Variants in PLPP3 observed in about 807,000 individuals in gnomAD.
PLPP3 encodes the protein phospholipid phosphatase 3, also known as PAP2 beta.
Under a neutral mutation model 29.6 loss-of-function variants are expected in PLPP3, and 6 were observed. That is an observed-to-expected ratio of 0.20 (90% CI 0.11 to 0.40). The LOEUF (loss-of-function observed/expected upper bound fraction) is 0.40, where lower values mean the gene tolerates loss of function less well. PLPP3 is among the 10% of genes least tolerant of loss of function. The probability of loss-of-function intolerance (pLI) is 1.00; values close to 1 mark genes in which losing one functional copy is unlikely to be tolerated. For missense variants in PLPP3, 308 were observed against 407.7 expected, an observed-to-expected ratio of 0.76 and a Z score of 2.11; for synonymous variants, 152 against 159.7, an observed-to-expected ratio of 0.95 and a Z score of 0.36.
chr1:56,555,792 G>A (rs1004870832), intron 1 of PLPP3, among the ~76,000 whole-genome samples: 2 of 152,164 alleles, frequency 1.3e-5, no homozygotes, highest in South Asian at 2.1e-4. Context: ...TTACAGGTGT[G>A]AGCCACATAT....
intron 1 of PLPP3, among the ~76,000 whole-genome samples, chr1:56,541,020 GC>G (rs1362114519): frequency 6.6e-6 from 1 of 152,152 alleles, no homozygotes; most frequent in East Asian, 1.9e-4. Context: ...CATAGTACCT[GC>G]CCCGGAGGAG....
chr1:56,516,171 T>C (rs1053544213), intron 4 of PLPP3, among the ~76,000 whole-genome samples: 2 of 152,158 alleles, frequency 1.3e-5, no homozygotes, highest in African/African-American at 4.8e-5. Context: ...TTGGGATTGA[T>C]GAAAGGATAC....
At chr1:56,502,446 T>C (rs1238200255) in intron 5 of PLPP3, among the ~76,000 whole-genome samples, 1 of 152,198 alleles carries the variant, frequency 6.6e-6, no homozygotes, top group South Asian at 2.1e-4. Flanking sequence ...CTTCCTGAAA[T>C]AGCAGATTCC....
At chr1:56,501,397 C>A (rs889349868) in intron 5 of PLPP3, among the ~76,000 whole-genome samples, 1 of 152,140 alleles carries the variant, frequency 6.6e-6, no homozygotes, top group Non-Finnish European at 1.5e-5. Flanking sequence ...TTGCCCCCCA[C>A]GCCAGTGGCA....
intron 1 of PLPP3, among the ~76,000 whole-genome samples, chr1:56,551,073 T>C (rs1049646554): frequency 3.3e-5 from 5 of 152,114 alleles, no homozygotes; most frequent in African/African-American, 4.8e-5. Flanking sequence ...TACTGCACAA[T>C]GTTGTACTCT....
At chr1:56,504,203 G>A (rs1047641617) in intron 5 of PLPP3, among the ~76,000 whole-genome samples, 1 of 152,226 alleles carries the variant, frequency 6.6e-6, no homozygotes, top group East Asian at 1.9e-4. Context: ...GCTGCTGTGT[G>A]CCTGTGGTCC....
At position 56,524,437 on chromosome 1, in the gene PLPP3, T is replaced by C. The variant is rs1361516644; in HGVS notation, c.415A>G (p.Ile139Val). The C allele has an allele frequency of 6.2e-7, 1 of 1,614,014 alleles. No individual in the cohort carries two copies. Among genetic ancestry groups the C allele is most frequent in the South Asian group, 1.1e-5 (1 of 91,092 alleles). The change falls in exon 3 of 6, where the codon ATC becomes GTC. Residue 139 changes from isoleucine to valine, a missense_variant. Coordinates refer to ENST00000371250, the MANE Select transcript of PLPP3 (RefSeq NM_003713.5). This position sits in a 1 kb window ranked among gnomAD's most constrained non-coding sequence, Gnocchi z 4.3. ...QVGCFLFGCA[I>V]SQSFTDIAKV... ...GCAATGTCTGTGAAAGACTGGCTGA[T>C]GGCACAGCCAAAGAGGAAGCAGCCC...
At chr1:56,536,872 C>G (rs1019744806) in intron 2 of PLPP3, 83 bp downstream of exon 2, 44 of 1,540,092 alleles carry the variant, frequency 2.9e-5, no homozygotes, top group Admixed American at 2.3e-4. Context: ...TGGTATAAGT[C>G]TCTGTTGGCT....
chr1:56,514,904 A>G (rs1222591344), intron 4 of PLPP3, among the ~76,000 whole-genome samples: 1 of 152,182 alleles, frequency 6.6e-6, no homozygotes, highest in Non-Finnish European at 1.5e-5. Context: ...CTACCAGTGG[A>G]TGAAAATATG....
chr1:56,534,666 G>A (rs781000253), intron 2 of PLPP3, among the ~76,000 whole-genome samples: 2 of 152,104 alleles, frequency 1.3e-5, no homozygotes, highest in Non-Finnish European at 2.9e-5. Flanking sequence ...CGTCATCGTT[G>A]TTGTTGTTGT....
intron 2 of PLPP3, among the ~76,000 whole-genome samples, chr1:56,534,936 A>G (rs1645914812): frequency 6.6e-6 from 1 of 152,184 alleles, no homozygotes; most frequent in South Asian, 2.1e-4. Flanking sequence ...TTAAATAACT[A>G]TAAGATAAGA....
Position 56,496,501 on chromosome 1 carries a change from C to T in PLPP3, c.*50G>A, listed in dbSNP as rs1474831402. ...TGATGAGATTGGAGAGCAGCAAGAA[C>T]TTGCTGTCAGCAGTCATTTTACAAA... On this transcript the variant is annotated 3_prime_UTR_variant, in exon 6 of 6. Transcript: ENST00000371250. The T allele has an allele frequency of 6.2e-7, 1 of 1,600,958 alleles. No individual in the cohort carries two copies. The highest frequency in any genetic ancestry group is 1.1e-5 in the South Asian group (1 of 90,082).
At chr1:56,527,884 G>C (rs910111605) in intron 2 of PLPP3, among the ~76,000 whole-genome samples, 3 of 152,060 alleles carry the variant, frequency 2.0e-5, no homozygotes, top group African/African-American at 7.2e-5. Flanking sequence ...CCTAACTCTC[G>C]AGTCCCAGAT....
intron 2 of PLPP3, among the ~76,000 whole-genome samples, chr1:56,533,327 A>G (rs1266549451): frequency 6.6e-6 from 1 of 152,050 alleles, no homozygotes; most frequent in African/African-American, 2.4e-5. Context: ...AGTTTGTATT[A>G]AGGTGTTATT....
At chr1:56,547,386 C>T (rs1397082075) in intron 1 of PLPP3, among the ~76,000 whole-genome samples, 1 of 152,070 alleles carries the variant, frequency 6.6e-6, no homozygotes, top group East Asian at 1.9e-4. Flanking sequence ...ATCGTTTTCT[C>T]CCCACTTTCT....
intron 5 of PLPP3, among the ~76,000 whole-genome samples, chr1:56,505,862 T>C (rs1165592121): frequency 6.6e-6 from 1 of 152,218 alleles, no homozygotes; most frequent in Non-Finnish European, 1.5e-5. Flanking sequence ...CTAGTCCCCA[T>C]GTTGTTCAAG....
At position 56,560,963 on chromosome 1, in the gene PLPP3, G is replaced by A. The variant is rs1401000745; in HGVS notation, c.139+17915C>T. Among the ~76,000 whole-genome samples, 7 of 148,118 alleles carry A rather than the reference G, an allele frequency of 4.7e-5. No homozygotes were observed. In the South Asian group the frequency reaches 6.6e-4, roughly 14 times the overall value. ...CACCATTCTCCTGCCTCAGCCTCCC[G>A]AGTAGCTGGGATTACAGGCGCCTGC... On this transcript the variant is annotated intron_variant, in intron 1 of 5. Transcript: ENST00000371250.
chr1:56,497,049 C>CACACTACTTT (rs1310940191), intron 5 of PLPP3, among the ~76,000 whole-genome samples: 2 of 152,204 alleles, frequency 1.3e-5, no homozygotes, highest in African/African-American at 2.4e-5. Context: ...GTCATTAATT[C>CACACTACTTT]ACACTACTTT....
chr1:56,554,212 T>A (rs1646058535), intron 1 of PLPP3, among the ~76,000 whole-genome samples: 1 of 152,156 alleles, frequency 6.6e-6, no homozygotes, highest in South Asian at 2.1e-4. Flanking sequence ...AGCAGGCTGC[T>A]AACCTCTCTA....
Sources: gnomAD v4.1 joint callset for allele counts (sites outside exome capture counted in the v4.1 genomes callset) on GRCh38, gnomAD v4.1.1 for gene constraint, Gnocchi (gnomAD v3.1) non-coding constraint, MANE v1.5 for transcripts, NCBI Gene and HGNC (gene_info 2026-07-23, HGNC 2026-07-21) for gene names.